Variants in TUBGCP3 observed in about 807,000 individuals in gnomAD.
TUBGCP3 encodes gamma-tubulin complex component 3.
A neutral mutation model predicts 123.1 loss-of-function variants in TUBGCP3; 50 were observed. That is an observed-to-expected ratio of 0.41 (90% CI 0.32 to 0.51). The LOEUF (loss-of-function observed/expected upper bound fraction) is 0.51, where lower values mean the gene tolerates loss of function less well. TUBGCP3 is among the 20% of genes least tolerant of loss of function. TUBGCP3 has a pLI of 0.36. For missense variants in TUBGCP3, 882 were observed against 1,127.0 expected, an observed-to-expected ratio of 0.78 and a Z score of 3.11; for synonymous variants, 405 against 413.9, an observed-to-expected ratio of 0.98 and a Z score of 0.26.
In TUBGCP3 at chr13:112,504,837, C is replaced by G. The variant is rs2139004354; in HGVS notation, c.2087-123G>C. The G allele has an allele frequency of 1.4e-5, 11 of 778,312 alleles. No individual in the cohort carries two copies. The South Asian group carries it at 1.9e-4, about 13-fold the overall frequency. 48.2% of individuals were successfully genotyped at this position (778,312 alleles called of 1,614,324 possible). ...AAATCAGTCATTTAAATTCTTGACC[C>G]CTTAACAGGAAACAACCTCTCCAGA... On this transcript the variant is annotated intron_variant, in intron 17 of 21. Coordinates refer to ENST00000261965, the MANE Select transcript of TUBGCP3 (RefSeq NM_006322.6).
At chr13:112,526,505 C>A (rs1275928570) in intron 13 of TUBGCP3, among the ~76,000 whole-genome samples, 1 of 149,942 alleles carries the variant, frequency 6.7e-6, no homozygotes, top group Non-Finnish European at 1.5e-5. Flanking sequence ...TCACCATCAA[C>A]ATCACCACCA....
At chr13:112,532,101 G>A (rs550212923) in intron 11 of TUBGCP3, among the ~76,000 whole-genome samples, 79 of 152,170 alleles carry the variant, frequency 5.2e-4, no homozygotes, top group African/African-American at 1.8e-3. Flanking sequence ...TGCCAATCAC[G>A]CAGGCAGCTA....
chr13:112,560,368 T>C (rs1235172602), intron 3 of TUBGCP3, among the ~76,000 whole-genome samples: 4 of 150,184 alleles, frequency 2.7e-5, no homozygotes, highest in African/African-American at 9.8e-5. Context: ...AGGCGGAGCT[T>C]GCAGTGAGCC....
At position 112,547,522 on chromosome 13, in the gene TUBGCP3, C is replaced by T. The variant is rs1251803306; in HGVS notation, c.1168+98G>A. The T allele has an allele frequency of 2.5e-5, 33 of 1,345,874 alleles. 1 individual carries two copies. In the East Asian group the frequency reaches 5.4e-4, roughly 22 times the overall value. The allele number at this position is 1,345,874 out of a possible 1,614,324, so 83.4% of individuals were successfully genotyped here. On this transcript the variant is annotated intron_variant, in intron 10 of 21. Coordinates refer to ENST00000261965, the MANE Select transcript of TUBGCP3 (RefSeq NM_006322.6). ...GCCAGACGCGCGTGGGAAAGACGCG[C>T]GTGGGAAAGACGTGCATGGGAAAGT... is the stretch of plus-strand genomic sequence containing the variant.
the TUBGCP3 span, among the ~76,000 whole-genome samples, chr13:112,601,171 A>G: frequency 1.3e-5 from 2 of 149,844 alleles, no homozygotes; most frequent in South Asian, 2.1e-4. Context: ...TGGGCCACAA[A>G]GCAAGATTCT....
chr13:112,486,109 C>A lies in TUBGCP3; in HGVS notation c.2608G>T (p.Asp870Tyr). The A allele has an allele frequency of 6.2e-7, 1 of 1,610,846 alleles. No homozygotes were observed. Among genetic ancestry groups the A allele is most frequent in the East Asian group, 2.2e-5 (1 of 44,862 alleles). The change falls in exon 22 of 22, where the codon GAC becomes TAC. Residue 870 changes from aspartate (D) to tyrosine (Y), a missense_variant. Physicochemically the swap from Asp to Tyr is radical, Grantham distance 160 (BLOSUM62 -3). Around this residue, in one of 3 missense-constraint regions of TUBGCP3, gnomAD observed 160 missense variants for 220.3 expected, o/e 0.73. Transcript: ENST00000261965. The part of the protein sequence containing the change: ...QFLVLLTTSS[D>Y]ESLRFLSFRL... Reference sequence around the variant, plus strand: ...AAGCTAAGAAACCGAAGACTCTCGTCAGAGCTGGTCGTCAGTAACACCAAA... The same window carrying A: ...AAGCTAAGAAACCGAAGACTCTCGTAAGAGCTGGTCGTCAGTAACACCAAA...
intron 8 of TUBGCP3, among the ~76,000 whole-genome samples, chr13:112,551,279 G>A (rs1272941624): frequency 6.6e-6 from 1 of 152,256 alleles, no homozygotes. Context: ...AAGGCCTGTG[G>A]TTAGCAGAGG....
At chr13:112,555,071 G>A (rs1452712962) in intron 6 of TUBGCP3, 66 bp from the exon 7 acceptor site, 5 of 1,003,834 alleles carry the variant, frequency 5.0e-6, no homozygotes, top group African/African-American at 3.3e-5. Context: ...AGATATTATG[G>A]TGCAATTAGC....
intron 1 of TUBGCP3, among the ~76,000 whole-genome samples, chr13:112,582,206 T>C (rs1882318250): frequency 6.6e-6 from 1 of 152,212 alleles, no homozygotes; most frequent in Non-Finnish European, 1.5e-5. Context: ...CTGGTTTAAA[T>C]ACTCCCAAAA....
chr13:112,540,736 T>C (rs1259560572), intron 11 of TUBGCP3, among the ~76,000 whole-genome samples: 1 of 152,208 alleles, frequency 6.6e-6, no homozygotes, highest in Non-Finnish European at 1.5e-5. Flanking sequence ...ATTCAGGTGG[T>C]CTTGGGAAAG....
intron 17 of TUBGCP3, among the ~76,000 whole-genome samples, chr13:112,505,883 A>G (rs1881270833): frequency 6.6e-6 from 1 of 152,182 alleles, no homozygotes. Flanking sequence ...AGGAGGACGT[A>G]CTACAGAGAA....
In TUBGCP3 at chr13:112,519,171, T is replaced by C; in HGVS notation, c.1882-128A>G. On this transcript the variant is annotated intron_variant, in intron 15 of 21. Coordinates refer to ENST00000261965, the MANE Select transcript of TUBGCP3 (RefSeq NM_006322.6). The surrounding 1 kb of genome is among the most constrained non-coding windows in gnomAD (Gnocchi z 6.2). ...ACTGCTCAACAGTTCTGAGTGCATC[T>C]TCTTGTTAACTTCTACAACCTCACC... 1.4e-6 allele frequency: 1 copy of C among 726,316 alleles called. No individual in the cohort carries two copies. The highest frequency in any genetic ancestry group is 2.4e-6 in the Non-Finnish European group (1 of 411,638). The allele number at this position is 726,316 out of a possible 1,614,324, so 45.0% of individuals were successfully genotyped here.
intron 3 of TUBGCP3, among the ~76,000 whole-genome samples, chr13:112,560,669 T>C (rs543019345): frequency 1.4e-4 from 22 of 152,250 alleles, no homozygotes; most frequent in Non-Finnish European, 2.9e-4. Flanking sequence ...GCTTATATTA[T>C]GTAAACTCTC....
chr13:112,521,527 G>T, intron 14 of TUBGCP3: 1 of 295,204 alleles, frequency 3.4e-6, no homozygotes, highest in Non-Finnish European at 5.0e-6. Flanking sequence ...GGGCCCACAA[G>T]CTACTGCAGC....
intron 1 of TUBGCP3, among the ~76,000 whole-genome samples, chr13:112,579,566 C>T (rs541357913): frequency 6.7e-6 from 1 of 149,356 alleles, no homozygotes; most frequent in Non-Finnish European, 1.5e-5. Context: ...CGGGGGGCCA[C>T]GGCATCCCTG....
intron 1 of TUBGCP3, among the ~76,000 whole-genome samples, chr13:112,583,812 G>C (rs533926411): frequency 2.0e-5 from 3 of 152,274 alleles, no homozygotes; most frequent in South Asian, 4.1e-4. Flanking sequence ...TCAGGAGGGC[G>C]TTGGGAGTAA....
In TUBGCP3 at chr13:112,587,913, C is replaced by G. The variant is rs746324847; in HGVS notation, c.68G>C (p.Arg23Thr). The G allele has an allele frequency of 6.3e-7, 1 of 1,593,304 alleles. No individual in the cohort carries two copies. Among genetic ancestry groups the G allele is most frequent in the South Asian group, 1.1e-5 (1 of 88,274 alleles). Reference sequence around the variant, plus strand: ...TCGCCCGGCCACTCTACCTTCGCTCCTGCCCAGGATCCTGCAGCACAGGTT... The same window carrying G: ...TCGCCCGGCCACTCTACCTTCGCTCGTGCCCAGGATCCTGCAGCACAGGTT... ...LQNLCCRILG[R>T]SEADVAQQFQ... The change falls in exon 1 of 22, where the codon AGG (arginine) becomes ACG (threonine). Residue 23 changes from arginine to threonine, a missense_variant. Around this residue, in one of 3 missense-constraint regions of TUBGCP3, gnomAD observed 713 missense variants for 874.0 expected, o/e 0.82. Coordinates refer to ENST00000261965, the MANE Select transcript of TUBGCP3 (RefSeq NM_006322.6).
At position 112,554,982 on chromosome 13, in the gene TUBGCP3, C is replaced by T; in HGVS notation, c.745G>A (p.Ala249Thr). The T allele has an allele frequency of 6.2e-7, 1 of 1,607,098 alleles. No homozygotes were observed. Residue 249 changes from alanine to threonine, a missense_variant, in exon 7 of 22, where the codon GCT becomes ACT. By Grantham distance (58) the Ala-to-Thr change is moderately conservative (BLOSUM62 0). Around this residue, in one of 3 missense-constraint regions of TUBGCP3, gnomAD observed 713 missense variants for 874.0 expected, o/e 0.82. Transcript: ENST00000261965. ...TGGTMEITEA[A>T]LVRDILYVFQ... is the part of the protein sequence containing the mutation. ...ACGTACAAAATGTCCCTTACCAGAG[C>T]TGCTTCTGTAATTTCCATAGTACCT...
chr13:112,580,765 T>A (rs1021047297), intron 1 of TUBGCP3, among the ~76,000 whole-genome samples: 1 of 152,224 alleles, frequency 6.6e-6, no homozygotes, highest in African/African-American at 2.4e-5. Flanking sequence ...TATATCTGAC[T>A]GATGATCCAA....
Sources: allele counts gnomAD v4.1 joint callset (sites outside exome capture counted in the v4.1 genomes callset), GRCh38; gene constraint gnomAD v4.1.1; regional missense constraint gnomAD v4.1.1; non-coding constraint Gnocchi (gnomAD v3.1); transcripts MANE v1.5; gene names NCBI Gene and HGNC (gene_info 2026-07-23, HGNC 2026-07-21).